PDE3B: variants seen among roughly 807,000 people sequenced by gnomAD.
PDE3B encodes the protein cGMP-inhibited 3',5'-cyclic phosphodiesterase 3B.
PDE3B carries 66 observed loss-of-function variants against 116.8 expected under a neutral mutation model. The observed-to-expected ratio is 0.56, with a 90% confidence interval of 0.46 to 0.69. The LOEUF is 0.69. Among genes scored for constraint, PDE3B ranks in the 30% least tolerant of loss-of-function variants. The probability of loss-of-function intolerance (pLI) is 0.00; values close to 1 mark genes in which losing one functional copy is unlikely to be tolerated. For missense variants in PDE3B, 1,384 were observed against 1,368.1 expected, an observed-to-expected ratio of 1.01 and a Z score of -0.18; for synonymous variants, 595 against 533.6, an observed-to-expected ratio of 1.12 and a Z score of -1.59.
At chr11:14,805,268 A>G (rs936763343) in intron 5 of PDE3B, among the ~76,000 whole-genome samples, 3 of 152,208 alleles carry the variant, frequency 2.0e-5, no homozygotes, top group Non-Finnish European at 4.4e-5. Flanking sequence ...TTTTCAAGGA[A>G]CAACAATAAT....
intron 1 of PDE3B, among the ~76,000 whole-genome samples, chr11:14,762,193 A>G (rs1857381338): frequency 6.6e-6 from 1 of 151,190 alleles, no homozygotes; most frequent in Non-Finnish European, 1.5e-5. Flanking sequence ...TGTATTGCCC[A>G]GGCTGGTTTT....
chr11:14,891,467 C>A, the PDE3B span: 6 of 986,612 alleles, frequency 6.1e-6, no homozygotes, highest in Non-Finnish European at 7.2e-6. Flanking sequence ...CGTTCCCCTG[C>A]ATTCTCCATT....
At chr11:14,885,466 C>T in the PDE3B span, among the ~76,000 whole-genome samples, 2 of 152,136 alleles carry the variant, frequency 1.3e-5, no homozygotes, top group East Asian at 1.9e-4. Flanking sequence ...AAGGGCACTT[C>T]GGATTCAAGT....
At chr11:14,769,568 G>A (rs1590129134) in intron 1 of PDE3B, among the ~76,000 whole-genome samples, 3 of 147,454 alleles carry the variant, frequency 2.0e-5, no homozygotes, top group East Asian at 2.0e-4. Context: ...TTTCTCCACC[G>A]TATTTTGATT....
intron 1 of PDE3B, among the ~76,000 whole-genome samples, chr11:14,724,396 G>A (rs1429894292): frequency 6.6e-6 from 1 of 152,172 alleles, no homozygotes; most frequent in East Asian, 1.9e-4. Flanking sequence ...AGTTTGGAAT[G>A]TTGAGAAAGA....
chr11:14,817,575 C>A (rs1859373686), intron 5 of PDE3B, among the ~76,000 whole-genome samples: 1 of 152,038 alleles, frequency 6.6e-6, no homozygotes, highest in Admixed American at 6.6e-5. Flanking sequence ...CATCTTGAAA[C>A]CCTGTCTCTA....
chr11:14,725,327 C>T (rs4757263), intron 1 of PDE3B, among the ~76,000 whole-genome samples: 1,421 of 107,214 alleles, frequency 0.013, 29 homozygotes, highest in African/African-American at 0.041. Context: ...TTCTTTCTTT[C>T]TTTTTCTTTC....
chr11:14,825,179 C>CA (rs927762652), intron 7 of PDE3B, among the ~76,000 whole-genome samples: 15 of 151,982 alleles, frequency 9.9e-5, no homozygotes, highest in Admixed American at 7.9e-4. Flanking sequence ...CCAGGCAATA[C>CA]AAAAAAACAC....
chr11:14,884,507 G>A, the PDE3B span, among the ~76,000 whole-genome samples: 2 of 137,872 alleles, frequency 1.5e-5, no homozygotes, highest in Admixed American at 1.6e-4. Context: ...ACAGGAAGGG[G>A]AACATCACAC....
At chr11:14,840,144 T>TG (rs1810482416) in intron 11 of PDE3B, among the ~76,000 whole-genome samples, 3 of 152,226 alleles carry the variant, frequency 2.0e-5, no homozygotes, top group Non-Finnish European at 4.4e-5. Context: ...TTTTTCCATC[T>TG]GACTGCCAAA....
chr11:14,687,948 G>T (rs749568752), intron 1 of PDE3B, among the ~76,000 whole-genome samples: 3 of 152,036 alleles, frequency 2.0e-5, no homozygotes, highest in Non-Finnish European at 4.4e-5. Flanking sequence ...TATAGATTCA[G>T]AAAGGTTCTG....
chr11:14,703,583 C>T (rs1376565950), intron 1 of PDE3B, among the ~76,000 whole-genome samples: 4 of 151,544 alleles, frequency 2.6e-5, no homozygotes, highest in Admixed American at 6.6e-5. Flanking sequence ...CATAAGAGAT[C>T]TTAGCATATT....
chr11:14,665,994 A>T (rs1056197721), intron 1 of PDE3B, among the ~76,000 whole-genome samples: 5 of 152,212 alleles, frequency 3.3e-5, no homozygotes, highest in South Asian at 2.1e-4. Context: ...ACACCAAAAG[A>T]ACAAAGCTGG....
At chr11:14,789,000 T>A in intron 3 of PDE3B, 106 bp from the exon 4 acceptor site, 1 of 737,444 alleles carries the variant, frequency 1.4e-6, no homozygotes, top group Non-Finnish European at 2.1e-6. Flanking sequence ...TCTCTGTACA[T>A]GTTAAAAATA....
Position 14,644,847 on chromosome 11 carries a change from C to T in PDE3B, c.772C>T (p.Leu258=). 6.2e-7 allele frequency: 1 copy of T among 1,612,682 alleles called. No homozygotes were observed. Among genetic ancestry groups the T allele is most frequent in the Non-Finnish European group, 8.5e-7 (1 of 1,179,238 alleles). ...CGGCCTGGTGGGGGGCGCTGGCTGC[C>T]TGCTGGCCCTGGGGTTGGATCACTT... ...LSGLVGGAGC[L]LALGLDHFFQ... The change falls in exon 1 of 16, where the codon CTG becomes TTG. Residue 258 remains leucine, a synonymous_variant. Transcript: ENST00000282096.
At chr11:14,663,935 C>T (rs549339928) in intron 1 of PDE3B, among the ~76,000 whole-genome samples, 1 of 152,278 alleles carries the variant, frequency 6.6e-6, no homozygotes, top group East Asian at 1.9e-4. Flanking sequence ...ATCTACAGAA[C>T]TCTCCACCCC....
At chr11:14,698,913 GA>G (rs1855286886) in intron 1 of PDE3B, 1 of 151,984 alleles carries the variant, frequency 6.6e-6, no homozygotes, top group Non-Finnish European at 1.5e-5. Flanking sequence ...GGAGGAAAAT[GA>G]GTGACCAGGT....
intron 12 of PDE3B, among the ~76,000 whole-genome samples, chr11:14,849,680 C>G (rs1319616162): frequency 2.0e-5 from 3 of 152,068 alleles, no homozygotes; most frequent in Non-Finnish European, 4.4e-5. Context: ...GGGCGAAGGA[C>G]ATGAACAGAC....
intron 1 of PDE3B, among the ~76,000 whole-genome samples, chr11:14,676,096 CTTT>C (rs1565087044): frequency 6.6e-6 from 1 of 152,010 alleles, no homozygotes; most frequent in Non-Finnish European, 1.5e-5. Flanking sequence ...TGTTGAATGC[CTTT>C]TTATGTTCTT....
Sources: allele counts gnomAD v4.1 joint callset (sites outside exome capture counted in the v4.1 genomes callset), GRCh38; gene constraint gnomAD v4.1.1; transcripts MANE v1.5; gene names NCBI Gene and HGNC (gene_info 2026-07-23, HGNC 2026-07-21).